Variants in RYR2 observed in about 807,000 individuals in gnomAD.
RYR2 encodes cardiac muscle ryanodine receptor-calcium release channel.
In RYR2, 227 loss-of-function variants were observed where a neutral mutation model predicts 601.1. The ratio of observed to expected loss-of-function variants is 0.38; its 90% CI spans 0.34 to 0.42. The LOEUF (loss-of-function observed/expected upper bound fraction) is 0.42, where lower values mean the gene tolerates loss of function less well. Among genes scored for constraint, RYR2 ranks in the 10% least tolerant of loss-of-function variants. The pLI, the probability that RYR2 is intolerant of heterozygous loss-of-function variation, is 1.00. For missense variants in RYR2, 4,646 were observed against 6,156.5 expected (o/e 0.75, Z 8.21); for synonymous variants, 2,223 against 2,175.1 (o/e 1.02, Z -0.61).
intron 42 of RYR2, among the ~76,000 whole-genome samples, chr1:237,632,172 A>G (rs1440305145): frequency 6.6e-6 from 1 of 152,072 alleles, no homozygotes; most frequent in Non-Finnish European, 1.5e-5. Flanking sequence ...TTAGAAACTT[A>G]GAAACATAAA....
chr1:237,489,523 G>A (rs191271122), intron 17 of RYR2, among the ~76,000 whole-genome samples: 248 of 152,296 alleles, frequency 1.6e-3, no homozygotes, highest in African/African-American at 5.6e-3. Flanking sequence ...TGGGCATGGC[G>A]GTGGGTGCCC....
chr1:237,251,686 T>C (rs2149275089), intron 1 of RYR2, among the ~76,000 whole-genome samples: 1 of 152,220 alleles, frequency 6.6e-6, no homozygotes, highest in South Asian at 2.1e-4. Flanking sequence ...CAGGGATGAG[T>C]CCTAAATATT....
At chr1:237,768,148 C>T (rs1459652497) in intron 84 of RYR2, among the ~76,000 whole-genome samples, 1 of 151,952 alleles carries the variant, frequency 6.6e-6, no homozygotes, top group East Asian at 1.9e-4. Context: ...TAAAATCTAC[C>T]TAGATTATTT....
At chr1:237,487,906 G>A (rs968673169) in intron 17 of RYR2, among the ~76,000 whole-genome samples, 5 of 151,800 alleles carry the variant, frequency 3.3e-5, no homozygotes, top group African/African-American at 1.2e-4. Context: ...TTTATTTATT[G>A]GATCTGACCT....
At chr1:237,151,070 T>G (rs1000639003) in intron 1 of RYR2, among the ~76,000 whole-genome samples, 3 of 152,178 alleles carry the variant, frequency 2.0e-5, no homozygotes, top group East Asian at 3.8e-4. Flanking sequence ...GATTTTAAAT[T>G]TATGATTCAT....
chr1:237,206,830 C>G (rs529233145), intron 1 of RYR2, among the ~76,000 whole-genome samples: 3 of 152,208 alleles, frequency 2.0e-5, no homozygotes, highest in South Asian at 2.1e-4. Context: ...ATGGAAGAAG[C>G]CTAACATTGA....
intron 1 of RYR2, among the ~76,000 whole-genome samples, chr1:237,110,684 A>G (rs866200842): frequency 1.4e-4 from 21 of 152,260 alleles, no homozygotes; most frequent in African/African-American, 4.8e-4. Flanking sequence ...CACACCTGCT[A>G]TCTTCCAGGT....
chr1:237,264,170 T>C (rs1313221256), intron 1 of RYR2, among the ~76,000 whole-genome samples: 1 of 152,016 alleles, frequency 6.6e-6, no homozygotes, highest in Non-Finnish European at 1.5e-5. Context: ...GTCCCCATTA[T>C]ATCCCCCTCT....
chr1:237,203,493 T>G (rs1681426318), intron 1 of RYR2, among the ~76,000 whole-genome samples: 1 of 152,150 alleles, frequency 6.6e-6, no homozygotes, highest in Non-Finnish European at 1.5e-5. Context: ...TCAAACTAAA[T>G]GAAATCTTTA....
intron 10 of RYR2, among the ~76,000 whole-genome samples, chr1:237,400,315 C>T (rs1360335901): frequency 3.3e-5 from 5 of 152,240 alleles, no homozygotes; most frequent in Non-Finnish European, 7.4e-5. Flanking sequence ...ACTCAGCTCC[C>T]GACAGCCTTC....
chr1:237,709,456 C>A, intron 69 of RYR2, 24 bp from the exon 70 acceptor site: 4 of 1,496,812 alleles, frequency 2.7e-6, no homozygotes, highest in South Asian at 1.2e-5. Context: ...GCTGAGAAAC[C>A]ACTTTATTTA....
At chr1:237,543,801 C>A (rs1040707726) in intron 25 of RYR2, among the ~76,000 whole-genome samples, 3 of 152,182 alleles carry the variant, frequency 2.0e-5, no homozygotes, top group African/African-American at 7.2e-5. Context: ...TTACATTACA[C>A]TGAGCCCTTG....
chr1:237,411,924 T>C (rs1704499788), intron 10 of RYR2, among the ~76,000 whole-genome samples: 1 of 152,158 alleles, frequency 6.6e-6, no homozygotes, highest in Non-Finnish European at 1.5e-5. Context: ...CAATGTGCAA[T>C]CTTTCATTAA....
chr1:237,801,434 C>T (rs369641923), intron 97 of RYR2, among the ~76,000 whole-genome samples: 16 of 148,986 alleles, frequency 1.1e-4, no homozygotes, highest in East Asian at 6.0e-4. Flanking sequence ...CCCAGCTACT[C>T]GGGAGGCTGA....
At chr1:237,496,297 A>G (rs1664066006) in intron 19 of RYR2, among the ~76,000 whole-genome samples, 1 of 152,182 alleles carries the variant, frequency 6.6e-6, no homozygotes, top group African/African-American at 2.4e-5. Flanking sequence ...AGTGCCAGTT[A>G]TTCAGGAGGC....
chr1:237,150,887 G>A (rs1030866030), intron 1 of RYR2, among the ~76,000 whole-genome samples: 2 of 152,154 alleles, frequency 1.3e-5, no homozygotes, highest in African/African-American at 4.8e-5. Context: ...TGCTCTGGAA[G>A]AAGAGTATGC....
chr1:237,690,695 C>T (rs564751699), intron 63 of RYR2, among the ~76,000 whole-genome samples: 6 of 152,158 alleles, frequency 3.9e-5, no homozygotes, highest in South Asian at 4.2e-4. Flanking sequence ...GACCCCATCT[C>T]GACTAAGAAT....
At chr1:237,712,209 C>G (rs1233138379) in intron 71 of RYR2, among the ~76,000 whole-genome samples, 1 of 152,040 alleles carries the variant, frequency 6.6e-6, no homozygotes, top group Non-Finnish European at 1.5e-5. Flanking sequence ...AAGGAATGGA[C>G]AAGGCAGGGC....
At chr1:237,532,042 A>G (rs926923570) in intron 25 of RYR2, among the ~76,000 whole-genome samples, 1 of 152,152 alleles carries the variant, frequency 6.6e-6, no homozygotes, top group Admixed American at 6.5e-5. Flanking sequence ...ATTATAAGTA[A>G]GATATGTATC....
Sources: allele counts gnomAD v4.1 joint callset (sites outside exome capture counted in the v4.1 genomes callset), GRCh38; gene constraint gnomAD v4.1.1; transcripts MANE v1.5; gene names NCBI Gene and HGNC (gene_info 2026-07-23, HGNC 2026-07-21).